EGFL7: variants seen among roughly 807,000 people sequenced by gnomAD.
EGFL7 encodes EGF like domain multiple 7, also known as epidermal growth factor-like protein 7.
Under a neutral mutation model 37.1 loss-of-function variants are expected in EGFL7, and 48 were observed. The ratio of observed to expected loss-of-function variants is 1.29; its 90% CI spans 1.03 to 1.65. EGFL7 has a LOEUF of 1.65. Ranked by LOEUF, EGFL7 falls within the 40% of genes most tolerant of loss-of-function variation. The pLI, the probability that EGFL7 is intolerant of heterozygous loss-of-function variation, is 0.00. For synonymous variants in EGFL7, 180 were observed against 156.8 expected, an observed-to-expected ratio of 1.15 and a Z score of -1.10; for missense variants, 384 against 378.9, an observed-to-expected ratio of 1.01 and a Z score of -0.11.
chr9:136,661,483 G>A (rs1317013271), upstream of EGFL7, among the ~76,000 whole-genome samples: 5 of 152,162 alleles, frequency 3.3e-5, no homozygotes, highest in Non-Finnish European at 7.4e-5. Flanking sequence ...CAGGGCAGGG[G>A]CCACCTCTGG....
Position 136,670,276 on chromosome 9 carries a change from G to A in EGFL7, c.517G>A (p.Gly173Ser), listed in dbSNP as rs146367176. 2.5e-4 allele frequency: 405 copies of A among 1,610,062 alleles called. No homozygotes were observed. Among genetic ancestry groups the A allele is most frequent in the Non-Finnish European group, 3.3e-4 (387 of 1,178,044 alleles). The change falls in exon 8 of 11, where the codon GGT becomes AGT. Residue 173 changes from glycine to serine, a missense_variant. Physicochemically the swap from Gly to Ser is moderately conservative, Grantham distance 56 (BLOSUM62 0). Coordinates refer to ENST00000308874, the MANE Select transcript of EGFL7 (RefSeq NM_016215.5). ...GGAGGGGCACAGCCTGTCTGCAGAC[G>A]GTACACTCTGTGTGCCCAAGGGAGG... ...CWEGHSLSAD[G>S]TLCVPKGGPP...
intron 5 of EGFL7, among the ~76,000 whole-genome samples, 155 bp from the exon 6 acceptor site, chr9:136,669,451 G>C (rs1845693641): frequency 6.6e-6 from 1 of 152,214 alleles, no homozygotes; most frequent in Non-Finnish European, 1.5e-5. Flanking sequence ...CAGGGAAACG[G>C]CTGTGCAGTG....
chr9:136,666,752 C>T lies in EGFL7; in HGVS notation c.-42-1489C>T, dbSNP rs1296720623. Among the ~76,000 whole-genome samples, 2 of 152,116 alleles carry T rather than the reference C, an allele frequency of 1.3e-5. No individual in the cohort carries two copies. The highest frequency in any genetic ancestry group is 6.5e-5 in the Admixed American group (1 of 15,270). On this transcript the variant is annotated intron_variant, in intron 3 of 10. Coordinates refer to ENST00000308874, the MANE Select transcript of EGFL7 (RefSeq NM_016215.5). This position sits in a 1 kb window ranked among gnomAD's most constrained non-coding sequence, Gnocchi z 6.8. ...GGCCGCTGCCCTACCTCTTCCTTCCCGGGTCCCACTCCCCAATGTCCCCCG... is the reference window on the plus strand; with the variant it reads ...GGCCGCTGCCCTACCTCTTCCTTCCTGGGTCCCACTCCCCAATGTCCCCCG...
intron 8 of EGFL7, 96 bp downstream of exon 8, chr9:136,670,426 G>A (rs1277315279): frequency 2.8e-6 from 4 of 1,407,040 alleles, no homozygotes; most frequent in Non-Finnish European, 2.9e-6. Flanking sequence ...TGGAATCTGG[G>A]CGGAAGGCGG....
chr9:136,668,352 T>C lies in EGFL7; in HGVS notation c.70T>C (p.Tyr24His), dbSNP rs1222492400. Residue 24 changes from tyrosine (Y) to histidine (H), a missense_variant, in exon 4 of 11, where the codon TAC (tyrosine) becomes CAC (histidine). Physicochemically the swap from Tyr to His is moderately conservative, Grantham distance 83 (BLOSUM62 2). Transcript: ENST00000308874. ...GGCAGTGGGCGGCACAGAGCACGCC[T>C]ACCGGCCCGGGTGAGCCAAGCCCTA... is the stretch of plus-strand genomic sequence containing the variant. Reference protein sequence around the residue: ...VLAVGGTEHAYRPGRRVCAVR... With the variant: ...VLAVGGTEHAHRPGRRVCAVR... 2.5e-6 allele frequency: 4 copies of C among 1,600,244 alleles called. No homozygotes were observed. In the South Asian group the frequency reaches 4.5e-5, roughly 18 times the overall value.
chr9:136,669,779 C>A, intron 6 of EGFL7, 58 bp downstream of exon 6: 1 of 1,467,006 alleles, frequency 6.8e-7, no homozygotes, highest in South Asian at 1.2e-5. Context: ...CCCAATCTTC[C>A]AGCAACGCTC....
Position 136,672,344 on chromosome 9 carries a change from C to A in EGFL7, c.*58C>A, listed in dbSNP as rs369687810. 13 of 1,610,128 alleles carry A rather than the reference C, an allele frequency of 8.1e-6. No homozygotes were observed. In the African/African-American group the frequency reaches 1.6e-4, roughly 20 times the overall value. ...CACGCCGCCCTGCAGCCCCCATGCC[C>A]CTGCCCAACATGCTGGGGGTCCAGA... On this transcript the variant is annotated 3_prime_UTR_variant, in exon 11 of 11. Transcript: ENST00000308874.
In EGFL7 at chr9:136,666,954, G is replaced by GGGCAGCCTCTGCCTAGTT. The variant is rs559437996; in HGVS notation, c.-42-1273_-42-1256dup. ...TAAGTCCCCACCCCTCAGCTGCCCA[G>GGGCAGCCTCTGCCTAGTT]GGCAGCCTCTGCCTAGTTGGCAGCC... On this transcript the variant is annotated intron_variant, in intron 3 of 10. Transcript: ENST00000308874. This position sits in a 1 kb window ranked among gnomAD's most constrained non-coding sequence, Gnocchi z 6.8. 2.6e-5 allele frequency among the ~76,000 whole-genome samples: 4 copies of GGGCAGCCTCTGCCTAGTT among 151,130 alleles called. No individual in the cohort carries two copies. The highest frequency in any genetic ancestry group is 1.3e-4 in the Admixed American group (2 of 15,206).
chr9:136,663,900 C>T (rs1165967634), intron 2 of EGFL7, among the ~76,000 whole-genome samples: 1 of 152,214 alleles, frequency 6.6e-6, no homozygotes, highest in Non-Finnish European at 1.5e-5. Context: ...AGGGCTGAGT[C>T]GGGGCAGCCC....
At position 136,669,905 on chromosome 9, in the gene EGFL7, C is replaced by G. The variant is rs766903282; in HGVS notation, c.314-9C>G. 3 of 1,575,486 alleles carry G rather than the reference C, an allele frequency of 1.9e-6. No homozygotes were observed. The African/African-American group carries it at 4.1e-5, about 21-fold the overall frequency. ...AACTGAGCTGGTGACCAGCCTCCCC[C>G]GCCCACAGCAATATGCCAGCCGCCA... On this transcript the variant is annotated splice_polypyrimidine_tract_variant and intron_variant, in intron 6 of 10. Transcript: ENST00000308874.
rs1465291627 is a variant in EGFL7 at position 136,668,671 on chromosome 9, C to G, written c.195C>G (p.Tyr65Ter). Residue 65 changes from tyrosine to a stop codon, truncating the protein, a stop_gained and splice_region_variant, in exon 5 of 11, where the codon TAC (tyrosine) becomes TAG (stop). Coordinates refer to ENST00000308874, the MANE Select transcript of EGFL7 (RefSeq NM_016215.5). LOFTEE classifies it high-confidence loss of function. ...TCDGHRACST[Y>*]RTIYRTAYRR... ...ACGGGCACCGGGCCTGCAGCACCTA[C>G]CGGTGAGTGCCCCACCACACCGAGC... 4 of 1,600,040 alleles carry G rather than the reference C, an allele frequency of 2.5e-6. No homozygotes were observed. Among genetic ancestry groups the G allele is most frequent in the Non-Finnish European group, 3.4e-6 (4 of 1,178,462 alleles).
In EGFL7 at chr9:136,668,224, C is replaced by A; in HGVS notation, c.-42-17C>A. 6.8e-7 allele frequency: 1 copy of A among 1,477,794 alleles called. No individual in the cohort carries two copies. Among genetic ancestry groups the A allele is most frequent in the South Asian group, 1.2e-5 (1 of 81,884 alleles). The allele number at this position is 1,477,794 out of a possible 1,614,324, so 91.5% of individuals were successfully genotyped here. A position where few individuals can be genotyped will look rare whatever the true frequency, so the allele number is the denominator to read the frequency against. On this transcript the variant is annotated splice_polypyrimidine_tract_variant and intron_variant, in intron 3 of 10. Coordinates refer to ENST00000308874, the MANE Select transcript of EGFL7 (RefSeq NM_016215.5). ...GGCATCTGCGGGGAGACTTAGGGGT[C>A]ATGCTTTGTGCCCCAGGCCACCCAG...
Position 136,669,625 on chromosome 9 carries a change from T to A in EGFL7, c.217T>A (p.Tyr73Asn). The A allele has an allele frequency of 6.2e-7, 1 of 1,610,830 alleles. No individual in the cohort carries two copies. The highest frequency in any genetic ancestry group is 1.1e-5 in the South Asian group (1 of 90,770). The stretch of plus-strand genomic sequence containing the variant: ...CCACAGAACCATCTATAGGACCGCC[T>A]ACCGCCGCAGCCCTGGGCTGGCCCC... ...STYRTIYRTA[Y>N]RRSPGLAPAR... The change falls in exon 6 of 11, where the codon TAC becomes AAC. Residue 73 changes from tyrosine to asparagine, a missense_variant. Tyr to Asn is a moderately radical substitution (Grantham distance 143, BLOSUM62 -2). Coordinates refer to ENST00000308874, the MANE Select transcript of EGFL7 (RefSeq NM_016215.5).
At chr9:136,664,374 G>A (rs967487607) in intron 2 of EGFL7, among the ~76,000 whole-genome samples, 11 of 152,298 alleles carry the variant, frequency 7.2e-5, no homozygotes, top group Non-Finnish European at 1.5e-4. Context: ...CCATCTGCAG[G>A]CCCCTTGCCC....
At position 136,669,952 on chromosome 9, in the gene EGFL7, G is replaced by A. The variant is rs774815574; in HGVS notation, c.352G>A (p.Val118Ile). 3.1e-6 allele frequency: 5 copies of A among 1,605,762 alleles called. No individual in the cohort carries two copies. The African/African-American group carries it at 4.0e-5, about 13-fold the overall frequency. Residue 118 changes from valine (V) to isoleucine (I), a missense_variant, in exon 7 of 11, where the codon GTC becomes ATC. Val to Ile is a conservative substitution (Grantham distance 29). Transcript: ENST00000308874. ...QPPCRNGGSC[V>I]QPGRCRCPAG... ...GCCATGCCGGAACGGAGGGAGCTGT[G>A]TCCAGCCTGGCCGCTGCCGCTGCCC... is the stretch of plus-strand genomic sequence containing the variant.
chr9:136,668,256 A>C lies in EGFL7; in HGVS notation c.-27A>C. ...TGTGCCCCAGGCCACCCAGAGGAGA[A>C]GGCCACCCCGCCTGGAGGCACAGGC... On this transcript the variant is annotated 5_prime_UTR_variant, in exon 4 of 11. Transcript: ENST00000308874. The C allele has an allele frequency of 6.3e-7, 1 of 1,581,216 alleles. No individual in the cohort carries two copies. The highest frequency in any genetic ancestry group is 8.6e-7 in the Non-Finnish European group (1 of 1,162,690).
chr9:136,668,802 AG>A, intron 5 of EGFL7, 129 bp downstream of exon 5: 1 of 890,474 alleles, frequency 1.1e-6, no homozygotes, highest in Non-Finnish European at 1.8e-6. Flanking sequence ...GAGCCATGAG[AG>A]GGCTGCCTGA....
chr9:136,666,848 C>A lies in EGFL7; in HGVS notation c.-42-1393C>A, dbSNP rs1845510202. ...GTGTCCTTCATCCAGGGCCCATCCC[C>A]AGAGTTAATCTCCAGCCAGCTCTGC... On this transcript the variant is annotated intron_variant, in intron 3 of 10. Coordinates refer to ENST00000308874, the MANE Select transcript of EGFL7 (RefSeq NM_016215.5). The surrounding 1 kb of genome is among the most constrained non-coding windows in gnomAD (Gnocchi z 6.8). Among the ~76,000 whole-genome samples the A allele has an allele frequency of 6.6e-6, 1 of 152,204 alleles. No homozygotes were observed.
At position 136,664,721 on chromosome 9, in the gene EGFL7, GC is replaced by G; in HGVS notation, c.-102del. 6.6e-6 allele frequency: 1 copy of G among 152,542 alleles called. No homozygotes were observed. Among genetic ancestry groups the G allele is most frequent in the Non-Finnish European group, 1.5e-5 (1 of 68,178 alleles). 9.4% of individuals were successfully genotyped at this position (152,542 alleles called of 1,614,324 possible). ...CCCCAGGACCGGGGAGGCACAGGTG[GC>G]CCCCACCACCCGGAGGAGCAGCTCC... On this transcript the variant is annotated 5_prime_UTR_variant, in exon 3 of 11. The change abolishes the stop of an existing upstream ORF in the 5' untranslated region. Transcript: ENST00000308874.
Sources: allele counts gnomAD v4.1 joint callset (sites outside exome capture counted in the v4.1 genomes callset), GRCh38; gene constraint gnomAD v4.1.1; non-coding constraint Gnocchi (gnomAD v3.1); transcripts MANE v1.5; gene names NCBI Gene and HGNC (gene_info 2026-07-23, HGNC 2026-07-21).